Variants in MCTP1 observed in about 807,000 individuals in gnomAD.
MCTP1 encodes the protein multiple C2 and transmembrane domain containing 1.
Under a neutral mutation model 120.6 loss-of-function variants are expected in MCTP1, and 69 were observed. That is an observed-to-expected ratio of 0.57 (90% confidence interval 0.47 to 0.70). The LOEUF (loss-of-function observed/expected upper bound fraction) is 0.70. Among genes scored for constraint, MCTP1 ranks in the 30% least tolerant of loss-of-function variants. The probability of loss-of-function intolerance (pLI) is 0.00; values close to 1 mark genes in which losing one functional copy is unlikely to be tolerated. For missense variants in MCTP1, 1,203 were observed against 1,248.8 expected (o/e 0.96, Z 0.55); for synonymous variants, 529 against 493.1 (o/e 1.07, Z -0.96).
chr5:94,824,457 T>G (rs1183435139), intron 17 of MCTP1, among the ~76,000 whole-genome samples: 1 of 152,226 alleles, frequency 6.6e-6, no homozygotes, highest in Non-Finnish European at 1.5e-5. Context: ...AGTATTTTAC[T>G]GAGGATTTTC....
At chr5:94,710,625 A>G (rs943819968) in intron 21 of MCTP1, 193 bp downstream of exon 21, 1 of 507,664 alleles carries the variant, frequency 2.0e-6, no homozygotes. Flanking sequence ...TGTGCCAGAT[A>G]AGAAAAATAC....
At chr5:95,226,689 G>GAA (rs1229133967) in intron 1 of MCTP1, among the ~76,000 whole-genome samples, 1 of 150,912 alleles carries the variant, frequency 6.6e-6, no homozygotes, top group Non-Finnish European at 1.5e-5. Context: ...TTCTCTTTTT[G>GAA]AAAATATTTA....
intron 1 of MCTP1, among the ~76,000 whole-genome samples, chr5:95,034,994 G>T (rs2151813586): frequency 6.6e-6 from 1 of 152,132 alleles, no homozygotes; most frequent in Admixed American, 6.5e-5. Flanking sequence ...AATCATCAAA[G>T]AAATGCAAAT....
Position 94,982,852 on chromosome 5 carries a change from G to A in MCTP1, c.839-29491C>T, listed in dbSNP as rs1029242864. ...TGCAGTGAGCCAAGATCGTGCCACT[G>A]TACTCTACCTGGGGGACAGAGCACA... is the stretch of plus-strand genomic sequence containing the variant. On this transcript the variant is annotated intron_variant, in intron 2 of 22. Coordinates refer to ENST00000515393, the MANE Select transcript of MCTP1 (RefSeq NM_024717.7). 5.1e-5 allele frequency among the ~76,000 whole-genome samples: 6 copies of A among 118,056 alleles called. No homozygotes were observed. The Admixed American group carries it at 5.9e-4, about 12-fold the overall frequency. The allele number at this position is 118,056 out of a possible 152,430, so 77.4% of individuals were successfully genotyped here.
In MCTP1 at chr5:95,122,257, T is replaced by C. The variant is rs570023043; in HGVS notation, c.721-104773A>G. Among the ~76,000 whole-genome samples, 10 of 152,128 alleles carry C rather than the reference T, an allele frequency of 6.6e-5. No individual in the cohort carries two copies. The South Asian group carries it at 2.1e-3, about 32-fold the overall frequency. Reference sequence around the variant, plus strand: ...ATTTGCAAACTATCCATCTGACAAGTGGTTAATAATCAGAATATATAAGGA... The same window carrying C: ...ATTTGCAAACTATCCATCTGACAAGCGGTTAATAATCAGAATATATAAGGA... On this transcript the variant is annotated intron_variant, in intron 1 of 22. Coordinates refer to ENST00000515393, the MANE Select transcript of MCTP1 (RefSeq NM_024717.7).
At chr5:94,901,614 T>TAA (rs369255829) in intron 10 of MCTP1, among the ~76,000 whole-genome samples, 1 of 145,272 alleles carries the variant, frequency 6.9e-6, no homozygotes, top group African/African-American at 2.5e-5. Flanking sequence ...TTCTCTGCAT[T>TAA]AAAAAAAAAA....
chr5:95,136,028 A>G (rs1224941177), intron 1 of MCTP1, among the ~76,000 whole-genome samples: 4 of 152,186 alleles, frequency 2.6e-5, no homozygotes, highest in Non-Finnish European at 4.4e-5. Context: ...AGGTTTTAAA[A>G]TCTGTCCCTA....
chr5:94,918,857 T>C (rs1017155811), intron 7 of MCTP1, among the ~76,000 whole-genome samples: 2 of 152,182 alleles, frequency 1.3e-5, no homozygotes, highest in African/African-American at 4.8e-5. Context: ...GACAGGAATC[T>C]TATTTTAAGG....
At chr5:94,724,935 A>G (rs1761802930) in intron 19 of MCTP1, among the ~76,000 whole-genome samples, 1 of 151,282 alleles carries the variant, frequency 6.6e-6, no homozygotes, top group Admixed American at 6.6e-5. Context: ...AGAAGCTGTG[A>G]GGCTGAGGCT....
intron 2 of MCTP1, among the ~76,000 whole-genome samples, chr5:94,953,870 CAAATATATATGCAT>C (rs1821386065): frequency 2.1e-5 from 2 of 94,448 alleles, no homozygotes; most frequent in Admixed American, 2.5e-4. Flanking sequence ...CATATATATA[CAAATATATATGCAT>C]ATATATACAA....
chr5:95,265,910 T>C (rs1300731290), intron 1 of MCTP1, among the ~76,000 whole-genome samples: 1 of 152,176 alleles, frequency 6.6e-6, no homozygotes, highest in Admixed American at 6.5e-5. Context: ...TTCTATTAGA[T>C]ATCTCAGTCT....
intron 17 of MCTP1, among the ~76,000 whole-genome samples, chr5:94,835,675 CG>C (rs1789568776): frequency 1.3e-5 from 2 of 152,146 alleles, no homozygotes; most frequent in Admixed American, 6.5e-5. Context: ...CATTTATATC[CG>C]GGCCTGTCTT....
intron 1 of MCTP1, among the ~76,000 whole-genome samples, chr5:95,103,790 C>A (rs1455524566): frequency 6.6e-6 from 1 of 152,088 alleles, no homozygotes; most frequent in Non-Finnish European, 1.5e-5. Context: ...GCCTTGAAAG[C>A]AAATTGCTAC....
At chr5:95,007,068 AG>A (rs1416748793) in intron 2 of MCTP1, among the ~76,000 whole-genome samples, 1 of 152,176 alleles carries the variant, frequency 6.6e-6, no homozygotes, top group African/African-American at 2.4e-5. Context: ...TCATGGTGGA[AG>A]GGGAAGCAAA....
chr5:94,807,626 G>A (rs542167226), intron 17 of MCTP1, among the ~76,000 whole-genome samples: 7 of 152,240 alleles, frequency 4.6e-5, no homozygotes, highest in South Asian at 2.1e-4. Flanking sequence ...CAAACATTTC[G>A]ATGCTGAGCT....
intron 1 of MCTP1, among the ~76,000 whole-genome samples, chr5:95,231,179 G>A (rs1369811421): frequency 1.3e-5 from 2 of 152,038 alleles, no homozygotes; most frequent in African/African-American, 2.4e-5. Context: ...GAGTAATGTA[G>A]GGCCATTTAG....
chr5:95,254,606 G>A (rs1003646879), intron 1 of MCTP1, among the ~76,000 whole-genome samples: 1 of 152,042 alleles, frequency 6.6e-6, no homozygotes, highest in Non-Finnish European at 1.5e-5. Context: ...GAGCCATATG[G>A]GAGCTATAAT....
At chr5:95,265,130 T>C (rs1015406696) in intron 1 of MCTP1, among the ~76,000 whole-genome samples, 1 of 152,180 alleles carries the variant, frequency 6.6e-6, no homozygotes, top group Non-Finnish European at 1.5e-5. Context: ...CCCAGTATCA[T>C]GTGGGGAACT....
At chr5:95,023,182 C>A (rs200004679) in intron 1 of MCTP1, among the ~76,000 whole-genome samples, 1 of 152,174 alleles carries the variant, frequency 6.6e-6, no homozygotes, top group African/African-American at 2.4e-5. Flanking sequence ...ACAATAGAAC[C>A]AGGCTCCAGT....
Sources: gnomAD v4.1 joint callset for allele counts (sites outside exome capture counted in the v4.1 genomes callset) on GRCh38, gnomAD v4.1.1 for gene constraint, MANE v1.5 for transcripts, NCBI Gene and HGNC (gene_info 2026-07-23, HGNC 2026-07-21) for gene names.